Variants in NLGN4X observed in about 807,000 individuals in gnomAD.
The protein encoded by NLGN4X is neuroligin 4 X-linked, also known as neuroligin-4, X-linked.
NLGN4X carries 3 observed loss-of-function variants against 40.3 expected under a neutral mutation model. The observed-to-expected ratio is 0.07, with a 90% CI of 0.03 to 0.19. The LOEUF is 0.19. Ranked by LOEUF, NLGN4X falls within the 10% of genes least tolerant of loss-of-function variation. The pLI is 1.00. For synonymous variants in NLGN4X, 270 were observed against 306.8 expected, an observed-to-expected ratio of 0.88 and a Z score of 1.25; for missense variants, 382 against 708.3, an observed-to-expected ratio of 0.54 and a Z score of 5.23.
chrX:6,006,564 A>T lies in NLGN4X; in HGVS notation c.625+22716T>A, dbSNP rs182839457. Among the ~76,000 whole-genome samples, 348 of 111,302 alleles carry T rather than the reference A, an allele frequency of 3.1e-3. 1 individual carries two copies. The highest frequency in any genetic ancestry group is 5.9e-3 in the Non-Finnish European group (312 of 53,079). On this transcript the variant is annotated intron_variant, in intron 3 of 5. Transcript: ENST00000381095. ...ACTAGACCAAAGTTAGACATCAAACATCGTTATCATCCTAAAAACAATTTT... is the reference window on the plus strand; with the variant it reads ...ACTAGACCAAAGTTAGACATCAAACTTCGTTATCATCCTAAAAACAATTTT...
rs138070410 is a variant in NLGN4X at position 6,172,351 on chromosome X, T to G, written c.-305-20580A>C. Among the ~76,000 whole-genome samples, 57 of 111,715 alleles carry G rather than the reference T, an allele frequency of 5.1e-4. 2 individuals carry two copies. In the East Asian group the frequency reaches 7.9e-3, roughly 15 times the overall value. ...ATTTTAAAAATTATTCATAAGTCAC[T>G]TTTGCTTATTTGTATTCTGTTGTCC... is the stretch of plus-strand genomic sequence containing the variant. On this transcript the variant is annotated intron_variant, in intron 1 of 5. Coordinates refer to ENST00000381095, the MANE Select transcript of NLGN4X (RefSeq NM_181332.3).
At chrX:5,978,284 C>G in intron 3 of NLGN4X, among the ~76,000 whole-genome samples, 1 of 7,767 alleles carries the variant, frequency 1.3e-4, no homozygotes, top group Non-Finnish European at 2.1e-4. Context: ...TTCTTTCTTT[C>G]TTTCTTTCTT....
At position 5,999,725 on chromosome X, in the gene NLGN4X, C is replaced by T. The variant is rs191564320; in HGVS notation, c.625+29555G>A. Among the ~76,000 whole-genome samples the T allele has an allele frequency of 3.9e-3, 433 of 111,983 alleles. 4 individuals are homozygous for T. The highest frequency in any genetic ancestry group is 0.013 in the African/African-American group (414 of 30,799). On this transcript the variant is annotated intron_variant, in intron 3 of 5. Coordinates refer to ENST00000381095, the MANE Select transcript of NLGN4X (RefSeq NM_181332.3). The stretch of plus-strand genomic sequence containing the variant: ...AAGAACAAATGCACATGAGTTTATC[C>T]CTTGGTGTTTCAAGGGCATGTATTA...
intron 3 of NLGN4X, among the ~76,000 whole-genome samples, chrX:5,910,629 CT>C (rs771357756): frequency 1.8e-5 from 2 of 111,562 alleles, no homozygotes; most frequent in African/African-American, 6.5e-5. Context: ...GAGGATGAGG[CT>C]GCATACCAAT....
At chrX:6,003,613 TCTGGG>T (rs954165369) in intron 3 of NLGN4X, among the ~76,000 whole-genome samples, 1 of 111,987 alleles carries the variant, frequency 8.9e-6, no homozygotes, top group African/African-American at 3.2e-5. Context: ...TTTTCCTGGG[TCTGGG>T]CTGTGCCTGT....
intron 1 of NLGN4X, among the ~76,000 whole-genome samples, chrX:6,153,268 G>T (rs1023626340): frequency 3.6e-5 from 4 of 111,023 alleles, no homozygotes; most frequent in African/African-American, 1.3e-4. Context: ...AATACAATGG[G>T]GGGAAATTCC....
intron 2 of NLGN4X, among the ~76,000 whole-genome samples, chrX:6,084,413 T>C (rs1162772220): frequency 9.0e-6 from 1 of 111,603 alleles, no homozygotes. Flanking sequence ...CTTGGGTTGA[T>C]GGTGGGGGTT....
rs976227882 is a variant in NLGN4X at position 5,986,071 on chromosome X, A to G, written c.625+43209T>C. Among the ~76,000 whole-genome samples the G allele has an allele frequency of 5.3e-5, 6 of 112,234 alleles. No homozygotes were observed. In the South Asian group the frequency reaches 2.2e-3, roughly 42 times the overall value. On this transcript the variant is annotated intron_variant, in intron 3 of 5. Transcript: ENST00000381095. ...TGGGAAAATTTAATAGACCTATTTT[A>G]GTTACTGAAAGAATATGTAAACTAC...
chrX:6,007,491 AAAAT>A (rs1371113963), intron 3 of NLGN4X, among the ~76,000 whole-genome samples: 1 of 112,621 alleles, frequency 8.9e-6, no homozygotes, highest in Non-Finnish European at 1.9e-5. Flanking sequence ...TTTTAAATAA[AAAAT>A]AAAAAGCAAA....
chrX:6,159,783 A>G (rs932554982), intron 1 of NLGN4X, among the ~76,000 whole-genome samples: 2 of 112,082 alleles, frequency 1.8e-5, no homozygotes, highest in Non-Finnish European at 3.8e-5. Flanking sequence ...ATTATCTCCA[A>G]AGCAGACTCA....
intron 4 of NLGN4X, among the ~76,000 whole-genome samples, chrX:5,906,396 T>C (rs2032178831): frequency 8.9e-6 from 1 of 112,270 alleles, no homozygotes; most frequent in South Asian, 3.7e-4. Flanking sequence ...GAAACCCTCA[T>C]CTGTCCTATC....
At chrX:6,096,580 G>A (rs1171434338) in intron 2 of NLGN4X, among the ~76,000 whole-genome samples, 1 of 111,621 alleles carries the variant, frequency 9.0e-6, no homozygotes, top group African/African-American at 3.3e-5. Context: ...CTCCTCAAAG[G>A]CCACTTGAAG....
At chrX:6,112,532 C>T (rs750291264) in intron 2 of NLGN4X, among the ~76,000 whole-genome samples, 2 of 108,855 alleles carry the variant, frequency 1.8e-5, no homozygotes, top group Non-Finnish European at 3.8e-5. Context: ...TGTAGATACT[C>T]TGCCCTCAAG....
chrX:6,112,062 T>C (rs1263140016), intron 2 of NLGN4X, among the ~76,000 whole-genome samples: 1 of 112,008 alleles, frequency 8.9e-6, no homozygotes, highest in Non-Finnish European at 1.9e-5. Flanking sequence ...AATATAATTT[T>C]GTTTTGCTGG....
At chrX:5,931,612 G>A (rs911254684) in intron 3 of NLGN4X, among the ~76,000 whole-genome samples, 1 of 111,658 alleles carries the variant, frequency 9.0e-6, no homozygotes, top group African/African-American at 3.3e-5. Flanking sequence ...CCTTTAATGA[G>A]AAGCATACAC....
intron 2 of NLGN4X, among the ~76,000 whole-genome samples, chrX:6,040,179 A>G: frequency 9.0e-6 from 1 of 111,564 alleles, no homozygotes; most frequent in Non-Finnish European, 1.9e-5. Context: ...GCCTCAAGCA[A>G]GTCTCCCACC....
At chrX:6,055,830 G>A (rs943205306) in intron 2 of NLGN4X, among the ~76,000 whole-genome samples, 1 of 111,386 alleles carries the variant, frequency 9.0e-6, no homozygotes, top group Non-Finnish European at 1.9e-5. Flanking sequence ...TTACACGGTG[G>A]TTGTATCTAA....
chrX:5,967,695 T>C (rs1337652109), intron 3 of NLGN4X, among the ~76,000 whole-genome samples: 1 of 111,480 alleles, frequency 9.0e-6, no homozygotes, highest in Non-Finnish European at 1.9e-5. Flanking sequence ...GCCGGGATGA[T>C]GTGCACGGGA....
At chrX:6,100,206 C>T (rs1389551887) in intron 2 of NLGN4X, among the ~76,000 whole-genome samples, 3 of 112,484 alleles carry the variant, frequency 2.7e-5, no homozygotes, top group Admixed American at 9.4e-5. Flanking sequence ...AGCGGTTTTC[C>T]GCCCTGGGTG....
Sources: gnomAD v4.1 joint callset for allele counts (sites outside exome capture counted in the v4.1 genomes callset) on GRCh38, gnomAD v4.1.1 for gene constraint, MANE v1.5 for transcripts, NCBI Gene and HGNC (gene_info 2026-07-23, HGNC 2026-07-21) for gene names.